Variants in PRKN observed in about 807,000 individuals in gnomAD.
The protein encoded by PRKN is E3 ubiquitin-protein ligase parkin.
A neutral mutation model predicts 59.5 loss-of-function variants in PRKN; 56 were observed. That is an observed-to-expected ratio of 0.94 (90% CI 0.76 to 1.18). The LOEUF (loss-of-function observed/expected upper bound fraction) is 1.18, where lower values mean the gene tolerates loss of function less well. Among genes scored for constraint, PRKN ranks in the 50% most tolerant of loss-of-function variants. The probability of loss-of-function intolerance (pLI) is 0.00; values close to 1 mark genes in which losing one functional copy is unlikely to be tolerated. For missense variants in PRKN, 657 were observed against 596.4 expected (o/e 1.10, Z -1.06); for synonymous variants, 250 against 222.1 (o/e 1.13, Z -1.12).
intron 1 of PRKN, among the ~76,000 whole-genome samples, chr6:162,484,294 C>T (rs1236568985): frequency 6.6e-6 from 1 of 152,034 alleles, no homozygotes; most frequent in Non-Finnish European, 1.5e-5. Context: ...GTGAAGAATA[C>T]GGTTCATTAG....
chr6:161,994,398 C>A (rs1331532357), intron 5 of PRKN, among the ~76,000 whole-genome samples: 1 of 152,074 alleles, frequency 6.6e-6, no homozygotes, highest in Admixed American at 6.6e-5. Context: ...AACGTCTATC[C>A]TCTAAAGGAC....
intron 1 of PRKN, among the ~76,000 whole-genome samples, chr6:162,515,428 TTAG>T (rs77257235): frequency 0.25 from 38,719 of 151,886 alleles, 6,111 homozygotes; most frequent in Non-Finnish European, 0.36. Context: ...TCAAATTATA[TTAG>T]TAAGTATTTT....
At chr6:161,753,954 G>C (rs1419619360) in intron 7 of PRKN, among the ~76,000 whole-genome samples, 1 of 152,170 alleles carries the variant, frequency 6.6e-6, no homozygotes, top group Non-Finnish European at 1.5e-5. Context: ...AGCTGCATAG[G>C]AGCACGGGAA....
At chr6:162,413,465 CAGAT>C (rs1246359745) in intron 2 of PRKN, among the ~76,000 whole-genome samples, 1 of 152,258 alleles carries the variant, frequency 6.6e-6, no homozygotes, top group South Asian at 2.1e-4. Flanking sequence ...TAAGCTGCCT[CAGAT>C]AGTAACTAAT....
intron 4 of PRKN, among the ~76,000 whole-genome samples, chr6:162,065,155 G>A (rs562373945): frequency 1.3e-5 from 2 of 152,320 alleles, no homozygotes; most frequent in East Asian, 3.9e-4. Context: ...TGCAGGCTGA[G>A]GAAGAAAGAA....
intron 5 of PRKN, among the ~76,000 whole-genome samples, chr6:162,029,869 T>TAAAATAATATA (rs1783572576): frequency 6.6e-6 from 1 of 152,224 alleles, no homozygotes; most frequent in African/African-American, 2.4e-5. Context: ...GACAGGATCT[T>TAAAATAATATA]GCTCTGTCAC....
intron 1 of PRKN, among the ~76,000 whole-genome samples, chr6:162,633,641 T>C (rs908175356): frequency 6.6e-6 from 1 of 152,020 alleles, no homozygotes; most frequent in African/African-American, 2.4e-5. Flanking sequence ...TTTGTCCCAC[T>C]TGCTGAATGC....
At chr6:161,758,172 C>A (rs4329087) in intron 7 of PRKN, among the ~76,000 whole-genome samples, 78,564 of 151,148 alleles carry the variant, frequency 0.52, 20,569 homozygotes, top group East Asian at 0.56. Flanking sequence ...AGTAGTTTGG[C>A]AGTTCCTTAA....
At chr6:162,619,252 C>A (rs1193877762) in intron 1 of PRKN, among the ~76,000 whole-genome samples, 1 of 151,524 alleles carries the variant, frequency 6.6e-6, no homozygotes, top group Non-Finnish European at 1.5e-5. Context: ...AAGCGATTCT[C>A]CTGCCTCGGC....
At chr6:161,764,104 C>T (rs942110681) in intron 7 of PRKN, among the ~76,000 whole-genome samples, 2 of 152,214 alleles carry the variant, frequency 1.3e-5, no homozygotes, top group South Asian at 2.1e-4. Flanking sequence ...TCTGGTCTCT[C>T]CATGCTACAG....
At chr6:162,243,049 G>C (rs550984653) in intron 3 of PRKN, among the ~76,000 whole-genome samples, 79 of 151,828 alleles carry the variant, frequency 5.2e-4, no homozygotes, top group Non-Finnish European at 9.0e-4. Flanking sequence ...TTGCAGACTT[G>C]TAGGATCTGA....
At chr6:162,101,209 A>C (rs1270586975) in intron 4 of PRKN, among the ~76,000 whole-genome samples, 1 of 151,876 alleles carries the variant, frequency 6.6e-6, no homozygotes, top group African/African-American at 2.4e-5. Flanking sequence ...TTACAGATTC[A>C]GTTCTTACAT....
At position 161,437,101 on chromosome 6, in the gene PRKN, C is replaced by T. The variant is rs565496754; in HGVS notation, c.1084-50224G>A. 5.9e-5 allele frequency among the ~76,000 whole-genome samples: 9 copies of T among 152,260 alleles called. No homozygotes were observed. The East Asian group carries it at 9.6e-4, about 16-fold the overall frequency. ...TTTTCCTACACATACATGCCTATTA[C>T]GAAGCTTAACTTATAAATTAAGCAA... On this transcript the variant is annotated intron_variant, in intron 9 of 11. Transcript: ENST00000366898.
chr6:162,188,784 T>G (rs921713774), intron 4 of PRKN, among the ~76,000 whole-genome samples: 2 of 151,458 alleles, frequency 1.3e-5, no homozygotes, highest in Non-Finnish European at 2.9e-5. Flanking sequence ...TTTCGTTTTT[T>G]TTTTTTTTTT....
At chr6:162,727,314 A>AAGGTGAGGGGCGGCGGCGGGGCGG in intron 1 of PRKN, 4 of 352,150 alleles carry the variant, frequency 1.1e-5, no homozygotes, top group South Asian at 4.1e-5. Context: ...CGGCGGGGCG[A>AAGGTGAGGGGCGGCGGCGGGGCGG]AGGTGAGGGG....
At chr6:162,723,262 TATAAG>T (rs1779003716) in intron 1 of PRKN, among the ~76,000 whole-genome samples, 1 of 152,184 alleles carries the variant, frequency 6.6e-6, no homozygotes. Context: ...ACTAACGCAC[TATAAG>T]ATGAGAATGA....
chr6:162,680,356 ATATT>A (rs1470875188), intron 1 of PRKN, among the ~76,000 whole-genome samples: 1 of 150,942 alleles, frequency 6.6e-6, no homozygotes, highest in African/African-American at 2.4e-5. Flanking sequence ...GTGTATATAT[ATATT>A]TAATATTTGA....
chr6:162,355,247 CAT>C (rs1382530596), intron 2 of PRKN, among the ~76,000 whole-genome samples: 3 of 150,674 alleles, frequency 2.0e-5, no homozygotes, highest in Admixed American at 1.3e-4. Flanking sequence ...AGATCTAAAA[CAT>C]AATTATGTTT....
chr6:162,148,372 A>C (rs1366623182), intron 4 of PRKN, among the ~76,000 whole-genome samples: 1 of 25,990 alleles, frequency 3.8e-5, no homozygotes, highest in Non-Finnish European at 6.9e-5. Flanking sequence ...TCCACGCCTA[A>C]GAGCTTGAAA....
Sources: gnomAD v4.1 joint callset for allele counts (sites outside exome capture counted in the v4.1 genomes callset) on GRCh38, gnomAD v4.1.1 for gene constraint, MANE v1.5 for transcripts, NCBI Gene and HGNC (gene_info 2026-07-23, HGNC 2026-07-21) for gene names.